SUGCT: variants seen among roughly 807,000 people sequenced by gnomAD.
The protein encoded by SUGCT is succinyl-CoA:glutarate-CoA transferase.
A neutral mutation model predicts 55.0 loss-of-function variants in SUGCT; 41 were observed. That is an observed-to-expected ratio of 0.74 (90% CI 0.58 to 0.97). The LOEUF is 0.97. SUGCT is among the 50% of genes least tolerant of loss of function. SUGCT has a pLI of 0.00. For synonymous variants in SUGCT, 187 were observed against 200.4 expected, an observed-to-expected ratio of 0.93 and a Z score of 0.56; for missense variants, 568 against 547.8, an observed-to-expected ratio of 1.04 and a Z score of -0.37.
In SUGCT at chr7:40,225,632, C is replaced by T. The variant is rs530996278; in HGVS notation, c.485-12003C>T. On this transcript the variant is annotated intron_variant, in intron 6 of 13. Coordinates refer to ENST00000335693, the MANE Select transcript of SUGCT (RefSeq NM_001193313.2). Reference sequence around the variant, plus strand: ...TGTATTTTTAGTAGACACGGGGTTTCACCATGTTGGCCAGGCTGGTCTTGA... The same window carrying T: ...TGTATTTTTAGTAGACACGGGGTTTTACCATGTTGGCCAGGCTGGTCTTGA... 3.9e-4 allele frequency among the ~76,000 whole-genome samples: 60 copies of T among 152,054 alleles called. 1 individual carries two copies. The highest frequency in any genetic ancestry group is 3.4e-3 in the Middle Eastern group (1 of 294).
intron 9 of SUGCT, among the ~76,000 whole-genome samples, chr7:40,319,089 G>T (rs1400566176): frequency 6.6e-6 from 1 of 152,076 alleles, no homozygotes; most frequent in Non-Finnish European, 1.5e-5. Context: ...GTGTTTGTCT[G>T]TTCTTCAATG....
At chr7:40,835,890 C>CTTT (rs1011199588) in intron 13 of SUGCT, among the ~76,000 whole-genome samples, 5 of 136,070 alleles carry the variant, frequency 3.7e-5, no homozygotes, top group Non-Finnish European at 4.8e-5. Context: ...TCTTTTTTTT[C>CTTT]TTTTTTTTTT....
At chr7:40,586,870 T>C (rs966340233) in intron 12 of SUGCT, among the ~76,000 whole-genome samples, 3 of 152,204 alleles carry the variant, frequency 2.0e-5, no homozygotes, top group East Asian at 3.9e-4. Flanking sequence ...GACTTACAAG[T>C]AGGAAATAGC....
At chr7:40,491,290 G>T (rs949904822) in intron 11 of SUGCT, among the ~76,000 whole-genome samples, 2 of 152,158 alleles carry the variant, frequency 1.3e-5, no homozygotes, top group South Asian at 4.1e-4. Flanking sequence ...TATAGTCTGG[G>T]TGTGCGGAAT....
chr7:40,876,250 C>T, the SUGCT span, among the ~76,000 whole-genome samples: 3 of 152,162 alleles, frequency 2.0e-5, no homozygotes, highest in African/African-American at 7.2e-5. Context: ...GTAAGATTGA[C>T]ACTGTCTTCA....
At position 40,218,967 on chromosome 7, in the gene SUGCT, C is replaced by T. The variant is rs553290313; in HGVS notation, c.485-18668C>T. On this transcript the variant is annotated intron_variant, in intron 6 of 13. Coordinates refer to ENST00000335693, the MANE Select transcript of SUGCT (RefSeq NM_001193313.2). ...GTCCCCTTCCAAGTTGTGCCAGCTA[C>T]ATTCTTTCGCTCCTTGCAATAAGTC... Among the ~76,000 whole-genome samples the T allele has an allele frequency of 7.9e-5, 12 of 152,310 alleles. 1 individual carries two copies. The South Asian group carries it at 1.2e-3, about 16-fold the overall frequency.
chr7:40,545,613 C>G (rs1440388707), intron 12 of SUGCT, among the ~76,000 whole-genome samples: 5 of 152,090 alleles, frequency 3.3e-5, no homozygotes, highest in Admixed American at 3.3e-4. Flanking sequence ...GAAACCAAGA[C>G]AAAGGAAGGA....
chr7:40,765,994 A>G (rs1788766889), intron 13 of SUGCT, among the ~76,000 whole-genome samples: 1 of 152,282 alleles, frequency 6.6e-6, no homozygotes, highest in African/African-American at 2.4e-5. Context: ...TCAACATTCA[A>G]CCTTTCGTGT....
chr7:40,270,253 C>T (rs1791920608), intron 7 of SUGCT, among the ~76,000 whole-genome samples: 1 of 151,316 alleles, frequency 6.6e-6, no homozygotes, highest in Admixed American at 6.6e-5. Flanking sequence ...TCCTTTGAAA[C>T]ACATATTTTT....
At chr7:40,998,336 CA>C in the SUGCT span, among the ~76,000 whole-genome samples, 1 of 151,676 alleles carries the variant, frequency 6.6e-6, no homozygotes, top group African/African-American at 2.4e-5. Context: ...TGCACCACTG[CA>C]CTCCAGCTTG....
Position 40,659,348 on chromosome 7 carries a change from A to G in SUGCT, c.1090-90086A>G, listed in dbSNP as rs188354813. Among the ~76,000 whole-genome samples, 22 of 152,170 alleles carry G rather than the reference A, an allele frequency of 1.4e-4. No homozygotes were observed. In the East Asian group the frequency reaches 4.1e-3, roughly 28 times the overall value. ...TCTGCTTCCAAGGTAGCTCACTTCC[A>G]TGGCTGGCATCCTGGGGCTCACTAT... On this transcript the variant is annotated intron_variant, in intron 12 of 13. Coordinates refer to ENST00000335693, the MANE Select transcript of SUGCT (RefSeq NM_001193313.2).
intron 9 of SUGCT, among the ~76,000 whole-genome samples, chr7:40,389,889 A>C (rs1785328355): frequency 6.6e-6 from 1 of 152,204 alleles, no homozygotes; most frequent in African/African-American, 2.4e-5. Context: ...TGCTCAATAA[A>C]ATACTGGCAA....
intron 9 of SUGCT, among the ~76,000 whole-genome samples, chr7:40,323,512 C>T (rs1198635515): frequency 6.6e-6 from 1 of 152,142 alleles, no homozygotes; most frequent in Non-Finnish European, 1.5e-5. Flanking sequence ...ACCTCAGCCT[C>T]CCGAGTAATA....
chr7:40,902,050 T>A, the SUGCT span, among the ~76,000 whole-genome samples: 1 of 152,168 alleles, frequency 6.6e-6, no homozygotes, highest in Non-Finnish European at 1.5e-5. Context: ...GGGCTCAGAA[T>A]TCGAGCACGT....
intron 9 of SUGCT, among the ~76,000 whole-genome samples, chr7:40,331,079 C>T (rs1796284605): frequency 6.8e-6 from 1 of 147,610 alleles, no homozygotes; most frequent in South Asian, 2.2e-4. Flanking sequence ...ACAAGAAAAT[C>T]ACAAAAAAAA....
At chr7:40,266,185 C>CTTTCCTT (rs375904118) in intron 7 of SUGCT, among the ~76,000 whole-genome samples, 3 of 116,826 alleles carry the variant, frequency 2.6e-5, no homozygotes, top group Non-Finnish European at 3.4e-5. Flanking sequence ...CTTTCCTTTC[C>CTTTCCTT]TTTTTTTTTT....
Position 40,135,043 on chromosome 7 carries a change from TG to T in SUGCT, c.25del (p.Ala9GlnfsTer27). The part of the protein sequence containing the change: MLATLAR[V>X]AALRRTCLFS... ...GCGATGCTGGCGACGCTGGCGAGGG[TG>T]GCAGCTCTGCGCAGAACCTGCCTCT... On this transcript the variant is annotated frameshift_variant, in exon 1 of 14. Transcript: ENST00000335693. LOFTEE classifies it high-confidence loss of function. 6.4e-7 allele frequency: 1 copy of T among 1,561,398 alleles called. No homozygotes were observed. The highest frequency in any genetic ancestry group is 8.7e-7 in the Non-Finnish European group (1 of 1,154,520).
chr7:40,489,599 T>G (rs1305035509), intron 11 of SUGCT, among the ~76,000 whole-genome samples: 3 of 152,154 alleles, frequency 2.0e-5, no homozygotes, highest in Non-Finnish European at 4.4e-5. Flanking sequence ...GAGAATCATT[T>G]GAACCCAGGA....
At chr7:40,731,921 T>C (rs912555313) in intron 12 of SUGCT, among the ~76,000 whole-genome samples, 1 of 152,232 alleles carries the variant, frequency 6.6e-6, no homozygotes, top group African/African-American at 2.4e-5. Context: ...TTCCGGTCTT[T>C]GTTTTTTAAA....
Sources: allele counts gnomAD v4.1 joint callset (sites outside exome capture counted in the v4.1 genomes callset), GRCh38; gene constraint gnomAD v4.1.1; transcripts MANE v1.5; gene names NCBI Gene and HGNC (gene_info 2026-07-23, HGNC 2026-07-21).